The following IRF1 variants were observed in gnomAD, a reference collection of about 807,000 sequenced individuals.
IRF1 encodes the protein interferon regulatory factor 1.
In IRF1, 13 loss-of-function variants were observed where a neutral mutation model predicts 43.7. That is an observed-to-expected ratio of 0.30 (90% CI 0.19 to 0.47). The LOEUF (loss-of-function observed/expected upper bound fraction) is 0.47. Ranked by LOEUF, IRF1 falls within the 20% of genes least tolerant of loss-of-function variation. IRF1 has a pLI of 0.99. For missense variants in IRF1, 236 were observed against 408.9 expected (o/e 0.58, Z 3.65); for synonymous variants, 138 against 146.8 (o/e 0.94, Z 0.43).
In IRF1 at chr5:132,486,241, G is replaced by A. The variant is rs1297790776; in HGVS notation, c.667+10C>T. 3 of 1,612,716 alleles carry A rather than the reference G, an allele frequency of 1.9e-6. No homozygotes were observed. Among genetic ancestry groups the A allele is most frequent in the East Asian group, 2.2e-5 (1 of 44,836 alleles). On this transcript the variant is annotated intron_variant, in intron 7 of 9. Coordinates refer to ENST00000245414, the MANE Select transcript of IRF1 (RefSeq NM_002198.3). ...GTCAAGCAGGCAGGCCAGGCCCCAGGAGCACCAACCTTCAGAGGTGGAGGG... is the reference window on the plus strand; with the variant it reads ...GTCAAGCAGGCAGGCCAGGCCCCAGAAGCACCAACCTTCAGAGGTGGAGGG...
intron 2 of IRF1, 122 bp downstream of exon 2, chr5:132,489,270 C>A: frequency 1.3e-6 from 1 of 765,702 alleles, no homozygotes. Flanking sequence ...GCAGGACCCA[C>A]TGGGAGAAAC....
intron 3 of IRF1, 129 bp from the exon 4 acceptor site, chr5:132,487,259 C>T: frequency 1.1e-6 from 1 of 879,952 alleles, no homozygotes; most frequent in Non-Finnish European, 1.8e-6. Flanking sequence ...GTGGTCAAAC[C>T]AGCAGGTACT....
rs908617780 is a variant in IRF1, at chr5:132,483,631, C to T, written c.*320G>A. On this transcript the variant is annotated 3_prime_UTR_variant, in exon 10 of 10. Coordinates refer to ENST00000245414, the MANE Select transcript of IRF1 (RefSeq NM_002198.3). The stretch of plus-strand genomic sequence containing the variant: ...TCCCCTAGGAGCCAGCCAGTGACAG[C>T]GAGACCCTCTCCAGGCAGCTGGGCT... 1.8e-5 allele frequency: 5 copies of T among 285,358 alleles called. No homozygotes were observed. Among genetic ancestry groups the T allele is most frequent in the Admixed American group, 9.7e-5 (2 of 20,580 alleles). 17.7% of individuals were successfully genotyped at this position (285,358 alleles called of 1,614,324 possible).
At position 132,486,597 on chromosome 5, in the gene IRF1, G is replaced by A; in HGVS notation, c.504C>T (p.Gly168=). The A allele has an allele frequency of 1.9e-6, 3 of 1,614,180 alleles. No homozygotes were observed. The highest frequency in any genetic ancestry group is 2.5e-6 in the Non-Finnish European group (3 of 1,180,038). Residue 168 remains glycine, a synonymous_variant, in exon 6 of 10, where the codon GGC becomes GGT. Coordinates refer to ENST00000245414, the MANE Select transcript of IRF1 (RefSeq NM_002198.3). ...GCTCCACCTCCAAGTCCTGCATGTAGCCTGGAACTGTGTAGCTGCTGTGGT... is the reference window on the plus strand; with the variant it reads ...GCTCCACCTCCAAGTCCTGCATGTAACCTGGAACTGTGTAGCTGCTGTGGT... ...PDDHSSYTVP[G]YMQDLEVEQA...
In IRF1 at chr5:132,481,649, C is replaced by T. The variant is rs1754374418; in HGVS notation, c.*2302G>A. The T allele has an allele frequency of 6.6e-6, 1 of 152,236 alleles. No homozygotes were observed. The highest frequency in any genetic ancestry group is 1.5e-5 in the Non-Finnish European group (1 of 68,054). 9.4% of individuals were successfully genotyped at this position (152,236 alleles called of 1,614,324 possible). ...AGTTTATTAAATGCAATTAAAAGTTCAATTCCTTATTGCACTGGCCACATT... is the reference window on the plus strand; with the variant it reads ...AGTTTATTAAATGCAATTAAAAGTTTAATTCCTTATTGCACTGGCCACATT... On this transcript the variant is annotated 3_prime_UTR_variant, in exon 10 of 10. Transcript: ENST00000245414.
At position 132,484,376 on chromosome 5, in the gene IRF1, A is replaced by T; in HGVS notation, c.839T>A (p.Ile280Asn). 6.2e-7 allele frequency: 1 copy of T among 1,613,998 alleles called. No individual in the cohort carries two copies. Among genetic ancestry groups the T allele is most frequent in the East Asian group, 2.2e-5 (1 of 44,866 alleles). The change falls in exon 9 of 10, where the codon ATT (isoleucine) becomes AAT (asparagine). Residue 280 changes from isoleucine to asparagine, a missense_variant. Physicochemically the swap from Ile to Asn is moderately radical, Grantham distance 149 (BLOSUM62 -3). Around this residue, in one of 2 missense-constraint regions of IRF1, gnomAD observed 170 missense variants for 251.8 expected, o/e 0.68. Coordinates refer to ENST00000245414, the MANE Select transcript of IRF1 (RefSeq NM_002198.3). ...GGCCTTCTTACCCCCTGGGCTGTCA[A>T]TTTCTGGCTCCTCCTTACAGCTAAA... ...GDFSCKEEPE[I>N]DSPGGDIGLS...
chr5:132,485,863 C>A (rs1356244191), intron 7 of IRF1, 147 bp from the exon 8 acceptor site: 2 of 659,934 alleles, frequency 3.0e-6, no homozygotes, highest in Non-Finnish European at 2.7e-6. Context: ...TCCCGGTGGA[C>A]CTATCTGCCA....
chr5:132,487,280 C>T (rs1754559605), intron 3 of IRF1, 150 bp from the exon 4 acceptor site: 2 of 750,430 alleles, frequency 2.7e-6, no homozygotes, highest in Non-Finnish European at 4.5e-6. Flanking sequence ...CCCGGTGACA[C>T]TCTGCAGGTC....
At chr5:132,486,865 C>T (rs764882447) in intron 4 of IRF1, 21 bp from the exon 5 acceptor site, 8 of 1,614,076 alleles carry the variant, frequency 5.0e-6, no homozygotes, top group Middle Eastern at 1.6e-4. Context: ...GACGGGCTGT[C>T]AGCCTTGGTG....
rs1327584805 is a variant in IRF1, at chr5:132,482,941, C to T, written c.*1010G>A. ...ACAGGTGTGAGCCACCGCGCCTGGC[C>T]GAAAGGATTTTATAATAGATGCATG... On this transcript the variant is annotated 3_prime_UTR_variant, in exon 10 of 10. Transcript: ENST00000245414. 1.3e-5 allele frequency: 2 copies of T among 152,220 alleles called. No homozygotes were observed. The highest frequency in any genetic ancestry group is 2.4e-5 in the African/African-American group (1 of 41,380). The allele number at this position is 152,220 out of a possible 1,614,324, so 9.4% of individuals were successfully genotyped here. A position where few individuals can be genotyped will look rare whatever the true frequency, so the allele number is the denominator to read the frequency against.
intron 9 of IRF1, 124 bp downstream of exon 9, chr5:132,484,238 T>A: frequency 7.0e-7 from 1 of 1,435,386 alleles, no homozygotes. Context: ...CCGTAGCTAA[T>A]TCACAATGTG....
In IRF1 at chr5:132,489,365, C is replaced by A. The variant is rs1218029420; in HGVS notation, c.87+27G>T. 4.5e-6 allele frequency: 7 copies of A among 1,551,796 alleles called. No homozygotes were observed. In the Admixed American group the frequency reaches 5.0e-5, roughly 11 times the overall value. Reference sequence around the variant, plus strand: ...AGAAGTACATGGGTTAAAACAGTGGCAGGAAAACCCAAAGAGTTACACTCA... The same window carrying A: ...AGAAGTACATGGGTTAAAACAGTGGAAGGAAAACCCAAAGAGTTACACTCA... On this transcript the variant is annotated intron_variant, in intron 2 of 9. Transcript: ENST00000245414.
In IRF1 at chr5:132,482,437, C is replaced by T. The variant is rs1442457149; in HGVS notation, c.*1514G>A. The T allele has an allele frequency of 6.6e-6, 1 of 152,084 alleles. No individual in the cohort carries two copies. Among genetic ancestry groups the T allele is most frequent in the Non-Finnish European group, 1.5e-5 (1 of 68,008 alleles). The allele number at this position is 152,084 out of a possible 1,614,324, so 9.4% of individuals were successfully genotyped here. A position where few individuals can be genotyped will look rare whatever the true frequency, so the allele number is the denominator to read the frequency against. On this transcript the variant is annotated 3_prime_UTR_variant, in exon 10 of 10. Coordinates refer to ENST00000245414, the MANE Select transcript of IRF1 (RefSeq NM_002198.3). ...GTTTCACCGTGTTAGCCAGGATGGT[C>T]TTGATCTCCTGACCTCGTGATCCGC...
intron 1 of IRF1, chr5:132,489,853 C>T (rs895250822): frequency 4.7e-6 from 1 of 212,212 alleles, no homozygotes; most frequent in African/African-American, 2.2e-5. Flanking sequence ...TTGCTTGATG[C>T]CAAGAAGAAA....
intron 2 of IRF1, 144 bp downstream of exon 2, chr5:132,489,248 C>A: frequency 1.5e-6 from 1 of 670,870 alleles, no homozygotes; most frequent in Non-Finnish European, 2.7e-6. Context: ...GGGCCGTGCA[C>A]ACTCCCTGCA....
intron 6 of IRF1, 71 bp from the exon 7 acceptor site, chr5:132,486,444 G>A (rs571879739): frequency 2.0e-4 from 318 of 1,609,506 alleles, no homozygotes; most frequent in Non-Finnish European, 2.2e-4. Context: ...AGCGCCCTCC[G>A]ACCAACCCTG....
In IRF1 at chr5:132,483,682, C is replaced by G. The variant is rs1051490325; in HGVS notation, c.*269G>C. The G allele has an allele frequency of 2.5e-6, 1 of 402,508 alleles. No homozygotes were observed. The highest frequency in any genetic ancestry group is 4.6e-6 in the Non-Finnish European group (1 of 217,922). 24.9% of individuals were successfully genotyped at this position (402,508 alleles called of 1,614,324 possible). On this transcript the variant is annotated 3_prime_UTR_variant, in exon 10 of 10. Coordinates refer to ENST00000245414, the MANE Select transcript of IRF1 (RefSeq NM_002198.3). ...CAGAGGAAAAAGCCAGACACTGACT[C>G]CTGTCCAAGTCCCTGACCTGATACA...
chr5:132,487,569 T>A (rs897415043), intron 3 of IRF1: 5 of 353,100 alleles, frequency 1.4e-5, no homozygotes, highest in Non-Finnish European at 2.1e-5. Context: ...ACCAACCACA[T>A]GAGGCTTGGA....
In IRF1 at chr5:132,486,046, C is replaced by G. The variant is rs2070726; in HGVS notation, c.667+205G>C. The G allele has an allele frequency of 3.7e-5, 25 of 678,106 alleles. No homozygotes were observed. The Admixed American group carries it at 6.2e-4, about 17-fold the overall frequency. 42.0% of individuals were successfully genotyped at this position (678,106 alleles called of 1,614,324 possible). On this transcript the variant is annotated intron_variant, in intron 7 of 9. Transcript: ENST00000245414. ...CCCCTGGCCCCCTTCCCTCCTCTCA[C>G]CAGCCCCCACTGTACTGCAGCCCAC... is the stretch of plus-strand genomic sequence containing the variant.
Sources: gnomAD v4.1 joint callset for allele counts on GRCh38, gnomAD v4.1.1 for gene constraint, gnomAD v4.1.1 regional missense constraint, MANE v1.5 for transcripts, NCBI Gene and HGNC (gene_info 2026-07-23, HGNC 2026-07-21) for gene names.